The following NKAIN2 variants were observed in gnomAD, a reference collection of about 807,000 sequenced individuals.
NKAIN2 encodes the protein sodium/potassium transporting ATPase interacting 2.
Under a neutral mutation model 32.6 loss-of-function variants are expected in NKAIN2, and 14 were observed. That is an observed-to-expected ratio of 0.43 (90% CI 0.28 to 0.67). The LOEUF is 0.67. NKAIN2 is among the 30% of genes least tolerant of loss of function. The pLI is 0.17. For missense variants in NKAIN2, 198 were observed against 258.3 expected (o/e 0.77, Z 1.60); for synonymous variants, 80 against 87.2 (o/e 0.92, Z 0.46).
chr6:123,919,354 T>C (rs1775639460), intron 1 of NKAIN2, among the ~76,000 whole-genome samples: 1 of 152,066 alleles, frequency 6.6e-6, no homozygotes, highest in Non-Finnish European at 1.5e-5. Flanking sequence ...ATTAAATATA[T>C]TTAATATAGA....
chr6:124,815,034 C>T (rs546748597), intron 5 of NKAIN2, among the ~76,000 whole-genome samples: 18 of 151,676 alleles, frequency 1.2e-4, no homozygotes, highest in Middle Eastern at 3.4e-3. Flanking sequence ...TCTATTGTAA[C>T]CCACTCTCCA....
rs995722437 is a variant in NKAIN2, at chr6:123,932,334, A to G, written c.54+128080A>G. Among the ~76,000 whole-genome samples the G allele has an allele frequency of 5.3e-5, 8 of 149,898 alleles. No homozygotes were observed. The South Asian group carries it at 1.7e-3, about 32-fold the overall frequency. The stretch of plus-strand genomic sequence containing the variant: ...GCATCCAGTAGGTCAATGAAGAATT[A>G]CTCTTCAATGACTCTGTTCCATTTA... On this transcript the variant is annotated intron_variant, in intron 1 of 6. Coordinates refer to ENST00000368417, the MANE Select transcript of NKAIN2 (RefSeq NM_001040214.3).
chr6:124,134,338 A>G (rs1347235718), intron 1 of NKAIN2, among the ~76,000 whole-genome samples: 1 of 152,110 alleles, frequency 6.6e-6, no homozygotes, highest in Non-Finnish European at 1.5e-5. Context: ...CCATCAGACA[A>G]AGAACAAAGC....
chr6:123,840,561 T>C (rs1774827717), intron 1 of NKAIN2, among the ~76,000 whole-genome samples: 1 of 152,138 alleles, frequency 6.6e-6, no homozygotes, highest in Admixed American at 6.5e-5. Context: ...TGATTTTAAG[T>C]AATTGCTTAT....
intron 3 of NKAIN2, among the ~76,000 whole-genome samples, chr6:124,631,539 T>C (rs143139779): frequency 4.6e-5 from 7 of 152,282 alleles, no homozygotes; most frequent in African/African-American, 1.7e-4. Context: ...GGCTTCTCTC[T>C]TGTAGGACCA....
chr6:123,835,420 C>A (rs1774575875), intron 1 of NKAIN2, among the ~76,000 whole-genome samples: 1 of 152,154 alleles, frequency 6.6e-6, no homozygotes, highest in Admixed American at 6.5e-5. Flanking sequence ...TATTTACAAT[C>A]TATCTGCCCA....
intron 1 of NKAIN2, among the ~76,000 whole-genome samples, chr6:124,111,429 C>T (rs545371802): frequency 4.7e-4 from 71 of 152,086 alleles, no homozygotes; most frequent in Non-Finnish European, 7.2e-4. Flanking sequence ...ATCTTCTTGA[C>T]GCATTGACCC....
At chr6:124,740,495 A>G (rs1163255423) in intron 4 of NKAIN2, among the ~76,000 whole-genome samples, 2 of 149,826 alleles carry the variant, frequency 1.3e-5, no homozygotes, top group African/African-American at 4.9e-5. Context: ...CTATGAAAAA[A>G]AAACTGAGCA....
chr6:123,828,878 C>T (rs1403406059), intron 1 of NKAIN2: 1 of 152,124 alleles, frequency 6.6e-6, no homozygotes, highest in Non-Finnish European at 1.5e-5. Flanking sequence ...CTCTCCCTGA[C>T]CTTCAGGCCA....
chr6:123,911,536 C>T (rs1002564236), intron 1 of NKAIN2, among the ~76,000 whole-genome samples: 5 of 151,836 alleles, frequency 3.3e-5, no homozygotes, highest in African/African-American at 1.2e-4. Context: ...ATCCAAATAC[C>T]TCCCATCAGG....
chr6:124,360,706 G>A (rs1799251165), intron 3 of NKAIN2, among the ~76,000 whole-genome samples: 1 of 152,066 alleles, frequency 6.6e-6, no homozygotes, highest in Non-Finnish European at 1.5e-5. Flanking sequence ...GATGATAGGA[G>A]CAAATAAACA....
chr6:124,139,370 G>C (rs893456379), intron 1 of NKAIN2, among the ~76,000 whole-genome samples: 11 of 150,998 alleles, frequency 7.3e-5, no homozygotes, highest in African/African-American at 2.7e-4. Flanking sequence ...TTACAGGCGT[G>C]AGCCACCGCG....
intron 1 of NKAIN2, among the ~76,000 whole-genome samples, chr6:124,065,865 T>A (rs1258852470): frequency 3.3e-5 from 5 of 152,182 alleles, no homozygotes; most frequent in Admixed American, 3.3e-4. Flanking sequence ...TAATTAAAAC[T>A]GCTTCTGTTG....
intron 1 of NKAIN2, among the ~76,000 whole-genome samples, chr6:124,265,303 G>C (rs1290210935): frequency 2.0e-5 from 3 of 151,936 alleles, no homozygotes; most frequent in Non-Finnish European, 4.4e-5. Context: ...CTTTGGAACA[G>C]TTTATAATTT....
intron 3 of NKAIN2, among the ~76,000 whole-genome samples, chr6:124,591,582 T>G (rs963741699): frequency 6.6e-6 from 1 of 152,164 alleles, no homozygotes; most frequent in Non-Finnish European, 1.5e-5. Flanking sequence ...ATAATTTTTT[T>G]GTACCTCTCT....
rs886909577 is a variant in NKAIN2 at position 124,599,038 on chromosome 6, A to G, written c.274-59148A>G. On this transcript the variant is annotated intron_variant, in intron 3 of 6. Transcript: ENST00000368417. Reference sequence around the variant, plus strand: ...AAATCTATTTTTTTTTTTTTTTGCCATACAACCTGATTTCCCACTGTAGTT... The same window carrying G: ...AAATCTATTTTTTTTTTTTTTTGCCGTACAACCTGATTTCCCACTGTAGTT... 1.4e-4 allele frequency among the ~76,000 whole-genome samples: 20 copies of G among 140,362 alleles called. 1 individual carries two copies. Among genetic ancestry groups the G allele is most frequent in the Non-Finnish European group, 4.6e-5 (3 of 64,562 alleles). The allele number at this position is 140,362 out of a possible 152,430, so 92.1% of individuals were successfully genotyped here.
chr6:124,507,224 G>A (rs1232956067), intron 3 of NKAIN2, among the ~76,000 whole-genome samples: 4 of 152,092 alleles, frequency 2.6e-5, no homozygotes, highest in Admixed American at 2.6e-4. Context: ...AAAATGTGGG[G>A]CATATTATTC....
intron 1 of NKAIN2, among the ~76,000 whole-genome samples, chr6:124,260,960 A>G (rs77771118): frequency 0.011 from 1,702 of 152,334 alleles, 32 homozygotes; most frequent in South Asian, 0.042. Flanking sequence ...AATATGTGTA[A>G]GATGCAGTTC....
chr6:124,465,378 A>C (rs368785162), intron 3 of NKAIN2, among the ~76,000 whole-genome samples: 2 of 152,104 alleles, frequency 1.3e-5, no homozygotes, highest in African/African-American at 2.4e-5. Context: ...AAACTAACAC[A>C]GGAACAGAAA....
Sources: gnomAD v4.1 joint callset for allele counts (sites outside exome capture counted in the v4.1 genomes callset) on GRCh38, gnomAD v4.1.1 for gene constraint, MANE v1.5 for transcripts, NCBI Gene and HGNC (gene_info 2026-07-23, HGNC 2026-07-21) for gene names.